PDE1C: variants seen among roughly 807,000 people sequenced by gnomAD.
PDE1C encodes dual specificity calcium/calmodulin-dependent 3',5'-cyclic nucleotide phosphodiesterase 1C.
Under a neutral mutation model 93.1 loss-of-function variants are expected in PDE1C, and 62 were observed. The ratio of observed to expected loss-of-function variants is 0.67; its 90% confidence interval spans 0.54 to 0.82. The LOEUF (loss-of-function observed/expected upper bound fraction) is 0.82. Among genes scored for constraint, PDE1C ranks in the 40% least tolerant of loss-of-function variants. PDE1C has a pLI of 0.00. For missense variants in PDE1C, 742 were observed against 884.6 expected (o/e 0.84, Z 2.04); for synonymous variants, 325 against 310.1 (o/e 1.05, Z -0.50).
chr7:32,058,066 A>G (rs1794341815), intron 1 of PDE1C, among the ~76,000 whole-genome samples: 1 of 152,236 alleles, frequency 6.6e-6, no homozygotes, highest in African/African-American at 2.4e-5. Context: ...TCTGTTTCTA[A>G]GTTGACAGAA....
chr7:31,619,592 G>A, the PDE1C span, among the ~76,000 whole-genome samples: 1 of 152,116 alleles, frequency 6.6e-6, no homozygotes, highest in African/African-American at 2.4e-5. Flanking sequence ...AGTTTGTAAA[G>A]AGTGTTCTTT....
At chr7:31,617,779 T>C in the PDE1C span, among the ~76,000 whole-genome samples, 1 of 152,130 alleles carries the variant, frequency 6.6e-6, no homozygotes, top group Admixed American at 6.5e-5. Flanking sequence ...AAATTGAAGA[T>C]AATAAAGATA....
the PDE1C span, among the ~76,000 whole-genome samples, chr7:31,732,641 TGTGTGTGTGTGTG>T: frequency 1.1e-4 from 2 of 18,288 alleles, no homozygotes; most frequent in African/African-American, 1.6e-4. Context: ...TCTCTTTCTG[TGTGTGTGTGTGTG>T]TGTGTGTGTG....
chr7:31,899,224 C>T (rs1266699816), intron 2 of PDE1C, among the ~76,000 whole-genome samples: 1 of 150,444 alleles, frequency 6.6e-6, no homozygotes, highest in Non-Finnish European at 1.5e-5. Flanking sequence ...CTGCAAGCTC[C>T]GCCTACCTGG....
intron 2 of PDE1C, among the ~76,000 whole-genome samples, chr7:31,883,226 C>G (rs942666652): frequency 6.6e-6 from 1 of 152,164 alleles, no homozygotes; most frequent in African/African-American, 2.4e-5. Context: ...CAGGTGTCAA[C>G]AACTTCAAAA....
rs60570476 is a variant in PDE1C, at chr7:32,185,247, GAAAAAAAAAAAA to G, written c.137-15303_137-15292del. Among the ~76,000 whole-genome samples, 85 of 101,568 alleles carry G rather than the reference GAAAAAAAAAAAA, an allele frequency of 8.4e-4. 3 individuals are homozygous for G. In the East Asian group the frequency reaches 0.011, roughly 13 times the overall value. The allele number at this position is 101,568 out of a possible 152,430, so 66.6% of individuals were successfully genotyped here. On this transcript the variant is annotated intron_variant, in intron 2 of 18. Transcript: ENST00000396193. ...GCAACAAGAGCAAAACTCTGTCTCA[GAAAAAAAAAAAA>G]AAAAAAAAAAAATTAATAGTAAAGC...
chr7:31,800,657 T>C (rs1785896994), intron 16 of PDE1C, among the ~76,000 whole-genome samples: 2 of 151,508 alleles, frequency 1.3e-5, no homozygotes, highest in Admixed American at 1.3e-4. Flanking sequence ...AGTCTTGAAA[T>C]CAAACCTTCT....
At chr7:31,996,548 A>C (rs559633327) in intron 2 of PDE1C, among the ~76,000 whole-genome samples, 3 of 152,346 alleles carry the variant, frequency 2.0e-5, no homozygotes, top group Middle Eastern at 3.4e-3. Flanking sequence ...GACTAAGGTC[A>C]CACAAGACAG....
chr7:31,959,189 T>TTTTTG (rs1191595149), intron 2 of PDE1C, among the ~76,000 whole-genome samples: 37 of 150,228 alleles, frequency 2.5e-4, no homozygotes. Context: ...TGTTTTTTGT[T>TTTTTG]TTTTGTTTTG....
chr7:31,849,920 G>A (rs912400681), intron 8 of PDE1C, among the ~76,000 whole-genome samples: 3 of 152,136 alleles, frequency 2.0e-5, no homozygotes, highest in African/African-American at 7.2e-5. Flanking sequence ...ATTCTGTGCT[G>A]AGAGGAATAC....
At chr7:32,133,456 C>A (rs1035933082) in intron 3 of PDE1C, among the ~76,000 whole-genome samples, 1 of 152,094 alleles carries the variant, frequency 6.6e-6, no homozygotes, top group Non-Finnish European at 1.5e-5. Flanking sequence ...AATAGAAAGC[C>A]TGCCAGTTTT....
At chr7:32,147,320 GAAAGAA>G (rs1800951655) in intron 3 of PDE1C, among the ~76,000 whole-genome samples, 8 of 136,426 alleles carry the variant, frequency 5.9e-5, no homozygotes, top group Admixed American at 3.6e-4. Context: ...AAGAAAGAAA[GAAAGAA>G]AGAAAGACGC....
rs563315550 is a variant in PDE1C, at chr7:32,210,415, A to G, written c.86-876T>C. Among the ~76,000 whole-genome samples the G allele has an allele frequency of 7.9e-5, 12 of 152,362 alleles. No homozygotes were observed. The East Asian group carries it at 1.5e-3, about 20-fold the overall frequency. On this transcript the variant is annotated intron_variant, in intron 1 of 18. Transcript: ENST00000396193. Reference sequence around the variant, plus strand: ...ATTCTAGCTGAGAAAAAAGCATTCAATGCATCAACAGAATAAAGGAGATTG... The same window carrying G: ...ATTCTAGCTGAGAAAAAAGCATTCAGTGCATCAACAGAATAAAGGAGATTG...
At chr7:32,252,568 G>A (rs1359413589) in intron 1 of PDE1C, among the ~76,000 whole-genome samples, 11 of 152,164 alleles carry the variant, frequency 7.2e-5, no homozygotes, top group Admixed American at 7.2e-4. Flanking sequence ...CATTCAGGCA[G>A]AGGGAACAGC....
At chr7:31,791,359 A>G (rs1317525728) in intron 16 of PDE1C, among the ~76,000 whole-genome samples, 1 of 152,124 alleles carries the variant, frequency 6.6e-6, no homozygotes, top group East Asian at 1.9e-4. Flanking sequence ...GCTTCATACC[A>G]ATCACTTTAC....
At chr7:31,723,483 C>T in the PDE1C span, among the ~76,000 whole-genome samples, 1 of 152,178 alleles carries the variant, frequency 6.6e-6, no homozygotes, top group South Asian at 2.1e-4. Flanking sequence ...ATGTGCTGGG[C>T]CTCCCCAAGT....
the PDE1C span, among the ~76,000 whole-genome samples, chr7:31,671,184 C>T: frequency 6.6e-6 from 1 of 152,198 alleles, no homozygotes; most frequent in African/African-American, 2.4e-5. Flanking sequence ...GCTGTTAACA[C>T]TTAAGCCATC....
chr7:31,828,489 T>A, intron 11 of PDE1C, 116 bp from the exon 12 acceptor site: 1 of 652,444 alleles, frequency 1.5e-6, no homozygotes, highest in Non-Finnish European at 2.6e-6. Flanking sequence ...TTATTACAAT[T>A]ACATTATAAA....
chr7:31,772,263 A>ATC (rs1006433722), intron 17 of PDE1C, among the ~76,000 whole-genome samples: 50 of 152,250 alleles, frequency 3.3e-4, no homozygotes, highest in African/African-American at 1.2e-3. Context: ...ATGTCCTTCC[A>ATC]TCTCTCTAGG....
Sources: gnomAD v4.1 joint callset for allele counts (sites outside exome capture counted in the v4.1 genomes callset) on GRCh38, gnomAD v4.1.1 for gene constraint, MANE v1.5 for transcripts, NCBI Gene and HGNC (gene_info 2026-07-23, HGNC 2026-07-21) for gene names.